KAZN: variants seen among roughly 807,000 people sequenced by gnomAD.
KAZN encodes kazrin, periplakin interacting protein.
KAZN carries 40 observed loss-of-function variants against 87.4 expected under a neutral mutation model. That is an observed-to-expected ratio of 0.46 (90% confidence interval 0.36 to 0.60). The LOEUF is 0.60. Ranked by LOEUF, KAZN falls within the 20% of genes least tolerant of loss-of-function variation. The pLI is 0.00. For missense variants in KAZN, 898 were observed against 1,073.9 expected (o/e 0.84, Z 2.29); for synonymous variants, 466 against 458.3 (o/e 1.02, Z -0.22).
intron 1 of KAZN, among the ~76,000 whole-genome samples, chr1:14,798,727 C>A (rs150012742): frequency 6.6e-6 from 1 of 151,680 alleles, no homozygotes; most frequent in Non-Finnish European, 1.5e-5. Flanking sequence ...AGCCACCACG[C>A]CCGGCCCACT....
At chr1:14,414,095 G>A (rs1335975283) in intron 2 of KAZN, among the ~76,000 whole-genome samples, 1 of 152,112 alleles carries the variant, frequency 6.6e-6, no homozygotes, top group Non-Finnish European at 1.5e-5. Context: ...TGCACTAGAT[G>A]GGCAAAAATT....
At chr1:14,447,364 G>A (rs1257107052) in intron 2 of KAZN, among the ~76,000 whole-genome samples, 4 of 151,302 alleles carry the variant, frequency 2.6e-5, no homozygotes, top group Non-Finnish European at 5.9e-5. Flanking sequence ...TCAGCCTCCC[G>A]AGTAGCTGGG....
chr1:14,078,199 G>GTACA (rs1643535694), intron 1 of KAZN, among the ~76,000 whole-genome samples: 1 of 152,186 alleles, frequency 6.6e-6, no homozygotes, highest in Non-Finnish European at 1.5e-5. Context: ...ATGAGCTGAT[G>GTACA]TACACTCTTG....
chr1:14,174,419 A>C (rs542412251), intron 1 of KAZN, among the ~76,000 whole-genome samples: 1 of 152,138 alleles, frequency 6.6e-6, no homozygotes, highest in Non-Finnish European at 1.5e-5. Flanking sequence ...GAAGAGCAGA[A>C]GTTTGGGGTC....
chr1:14,334,661 G>A (rs1571326444), intron 2 of KAZN, among the ~76,000 whole-genome samples: 1 of 152,224 alleles, frequency 6.6e-6, no homozygotes, highest in Non-Finnish European at 1.5e-5. Flanking sequence ...TGATGAGGTT[G>A]CAACCAGCTG....
intron 2 of KAZN, among the ~76,000 whole-genome samples, chr1:14,475,365 TC>T (rs1284228448): frequency 6.6e-6 from 1 of 152,184 alleles, no homozygotes; most frequent in East Asian, 1.9e-4. Context: ...ATATATACGT[TC>T]GGAAAATAAT....
exon 1 of KAZN, chr1:13,892,827 A>G (rs973790713): frequency 1.3e-5 from 2 of 152,328 alleles, no homozygotes; most frequent in Admixed American, 6.5e-5. Context: ...CGCATCCAGA[A>G]TATCTCCCAG....
chr1:14,127,399 G>GC (rs1644896363), intron 1 of KAZN, among the ~76,000 whole-genome samples: 1 of 47,698 alleles, frequency 2.1e-5, no homozygotes, highest in Non-Finnish European at 3.7e-5. Flanking sequence ...CTTTACTGTT[G>GC]TTTTTTTTTT....
At chr1:14,129,253 A>G (rs16853613) in intron 1 of KAZN, among the ~76,000 whole-genome samples, 2,969 of 152,270 alleles carry the variant, frequency 0.019, 100 homozygotes, top group African/African-American at 0.067. Context: ...AGGCCAGATA[A>G]TACAGAAGCC....
At chr1:14,796,066 G>A (rs550486418) in intron 1 of KAZN, among the ~76,000 whole-genome samples, 2 of 152,154 alleles carry the variant, frequency 1.3e-5, no homozygotes, top group Non-Finnish European at 2.9e-5. Context: ...CTCTGCCTGA[G>A]GTAGGCCCCA....
At chr1:14,270,827 A>G (rs1045425341) in intron 2 of KAZN, among the ~76,000 whole-genome samples, 2 of 151,890 alleles carry the variant, frequency 1.3e-5, no homozygotes, top group African/African-American at 4.8e-5. Flanking sequence ...CTTCCCTTCA[A>G]TGCTTTATTT....
At chr1:14,506,581 A>G (rs140722302) in intron 2 of KAZN, among the ~76,000 whole-genome samples, 5 of 152,290 alleles carry the variant, frequency 3.3e-5, no homozygotes, top group Admixed American at 2.6e-4. Flanking sequence ...TTCAACTGCC[A>G]AAGTGGGGAT....
At chr1:13,985,498 T>A (rs1242250604) in intron 1 of KAZN, among the ~76,000 whole-genome samples, 1 of 135,198 alleles carries the variant, frequency 7.4e-6, no homozygotes, top group Non-Finnish European at 1.5e-5. Flanking sequence ...TAGGTGGGAA[T>A]TGAACAATGA....
intron 1 of KAZN, among the ~76,000 whole-genome samples, chr1:13,986,773 T>C (rs967838880): frequency 6.6e-6 from 1 of 152,166 alleles, no homozygotes; most frequent in Non-Finnish European, 1.5e-5. Context: ...AGTATCTCTA[T>C]AGAGGAAGGA....
intron 1 of KAZN, among the ~76,000 whole-genome samples, chr1:14,091,705 A>C (rs1643999296): frequency 6.6e-6 from 1 of 152,170 alleles, no homozygotes; most frequent in Admixed American, 6.5e-5. Context: ...GGGTTTGTTA[A>C]ATCTATGGAC....
intron 1 of KAZN, among the ~76,000 whole-genome samples, chr1:14,070,984 T>C (rs967764298): frequency 3.3e-5 from 5 of 152,108 alleles, no homozygotes; most frequent in African/African-American, 7.2e-5. Context: ...TGAGTTAGGA[T>C]CCAAACCTGA....
At chr1:13,905,816 CATTA>C (rs1639415796) in intron 1 of KAZN, among the ~76,000 whole-genome samples, 1 of 152,098 alleles carries the variant, frequency 6.6e-6, no homozygotes, top group Non-Finnish European at 1.5e-5. Flanking sequence ...TTCCTATAGC[CATTA>C]TAACAAATTA....
chr1:15,046,715 C>A (rs908415222), intron 4 of KAZN, among the ~76,000 whole-genome samples: 3 of 152,194 alleles, frequency 2.0e-5, no homozygotes, highest in Non-Finnish European at 4.4e-5. Flanking sequence ...ATGCTGACCC[C>A]TAGTGGTGAG....
intron 2 of KAZN, among the ~76,000 whole-genome samples, chr1:15,023,712 C>A (rs1166645049): frequency 1.3e-5 from 2 of 149,964 alleles, no homozygotes; most frequent in Non-Finnish European, 3.0e-5. Flanking sequence ...GGATTGATAT[C>A]TACTGAAGGG....
Sources: gnomAD v4.1 joint callset for allele counts (sites outside exome capture counted in the v4.1 genomes callset) on GRCh38, gnomAD v4.1.1 for gene constraint, MANE v1.5 for transcripts, NCBI Gene and HGNC (gene_info 2026-07-23, HGNC 2026-07-21) for gene names.